The following SLC5A4 variants were observed in gnomAD, a reference collection of about 807,000 sequenced individuals.
The protein encoded by SLC5A4 is probable glucose sensor protein SLC5A4.
A neutral mutation model predicts 70.3 loss-of-function variants in SLC5A4; 55 were observed. The observed-to-expected ratio is 0.78, with a 90% CI of 0.63 to 0.98. The LOEUF is 0.98. Among genes scored for constraint, SLC5A4 ranks in the 50% least tolerant of loss-of-function variants. The pLI is 0.00. For missense variants in SLC5A4, 735 were observed against 839.2 expected (o/e 0.88, Z 1.53); for synonymous variants, 268 against 305.7 (o/e 0.88, Z 1.29).
the SLC5A4 span, among the ~76,000 whole-genome samples, chr22:32,275,427 C>T: frequency 6.6e-6 from 1 of 152,060 alleles, no homozygotes; most frequent in Non-Finnish European, 1.5e-5. Flanking sequence ...TCCATGTGTT[C>T]TCATTGTTTA....
the SLC5A4 span, chr22:32,270,336 G>A: frequency 9.5e-7 from 1 of 1,054,088 alleles, no homozygotes; most frequent in Non-Finnish European, 1.5e-6. Flanking sequence ...GGAAGAATGG[G>A]GCTCTGTCGG....
chr22:32,256,537 C>T (rs1927498499), upstream of SLC5A4, among the ~76,000 whole-genome samples: 1 of 152,144 alleles, frequency 6.6e-6, no homozygotes, highest in South Asian at 2.1e-4. Context: ...TTTTCATCAT[C>T]TCCAAACAGA....
At chr22:32,334,041 A>G in the SLC5A4 span, among the ~76,000 whole-genome samples, 1 of 146,678 alleles carries the variant, frequency 6.8e-6, no homozygotes, top group East Asian at 1.9e-4. Context: ...ACACACACAC[A>G]CCATGCCACA....
chr22:32,242,340 A>C (rs2899178), intron 5 of SLC5A4, among the ~76,000 whole-genome samples: 19,671 of 152,182 alleles, frequency 0.13, 1,514 homozygotes, highest in African/African-American at 0.22. Flanking sequence ...TTGCCCAACA[A>C]AATGATGGGA....
intron 5 of SLC5A4, among the ~76,000 whole-genome samples, chr22:32,246,580 T>A (rs1476261800): frequency 6.6e-6 from 1 of 152,186 alleles, no homozygotes; most frequent in Non-Finnish European, 1.5e-5. Flanking sequence ...CAGACTGGAG[T>A]GCAGTGGTGT....
chr22:32,299,606 T>C, the SLC5A4 span, among the ~76,000 whole-genome samples: 1 of 103,146 alleles, frequency 9.7e-6, no homozygotes, highest in South Asian at 3.5e-4. Context: ...TTGAATGTCC[T>C]CCCATAGCTC....
chr22:32,302,994 T>A, the SLC5A4 span, among the ~76,000 whole-genome samples: 1 of 152,148 alleles, frequency 6.6e-6, no homozygotes, highest in South Asian at 2.1e-4. Flanking sequence ...CCTTCAGCAG[T>A]GTTTTCTCTT....
chr22:32,272,211 C>T, the SLC5A4 span: 63 of 761,530 alleles, frequency 8.3e-5, no homozygotes, highest in East Asian at 3.7e-4. Context: ...GTCCTGAGGG[C>T]GGATCTTGAT....
the SLC5A4 span, among the ~76,000 whole-genome samples, chr22:32,264,093 T>C: frequency 6.6e-6 from 1 of 151,760 alleles, no homozygotes; most frequent in Admixed American, 6.6e-5. Context: ...ATGTAGATGA[T>C]GGATTGATGG....
the SLC5A4 span, among the ~76,000 whole-genome samples, chr22:32,327,683 C>A: frequency 6.6e-6 from 1 of 152,166 alleles, no homozygotes; most frequent in African/African-American, 2.4e-5. Flanking sequence ...GGTGGCTGGA[C>A]TCACCTTCCC....
chr22:32,331,315 C>T, the SLC5A4 span, among the ~76,000 whole-genome samples: 1 of 151,904 alleles, frequency 6.6e-6, no homozygotes, highest in African/African-American at 2.4e-5. Flanking sequence ...CGTGCTTTGG[C>T]CTCTCTGAGC....
chr22:32,254,948 A>G (rs1024334704), intron 1 of SLC5A4, among the ~76,000 whole-genome samples: 3 of 152,214 alleles, frequency 2.0e-5, no homozygotes, highest in South Asian at 4.1e-4. Flanking sequence ...CTCTTTGTCC[A>G]TTATGCCAGG....
the SLC5A4 span, among the ~76,000 whole-genome samples, chr22:32,335,038 C>T: frequency 6.6e-6 from 1 of 152,194 alleles, no homozygotes; most frequent in Non-Finnish European, 1.5e-5. Context: ...CGCATGGAGG[C>T]TGAAGCCAGG....
intron 5 of SLC5A4, among the ~76,000 whole-genome samples, chr22:32,240,984 A>G (rs1300589397): frequency 1.3e-5 from 2 of 152,250 alleles, no homozygotes; most frequent in Non-Finnish European, 2.9e-5. Context: ...ATGAATCTCT[A>G]CATTAGACAG....
chr22:32,272,714 C>T, the SLC5A4 span: 12 of 512,514 alleles, frequency 2.3e-5, no homozygotes, highest in African/African-American at 3.9e-5. Context: ...ATGTGGGTGC[C>T]CACATGAACG....
At chr22:32,272,984 G>C in the SLC5A4 span, 1 of 541,168 alleles carries the variant, frequency 1.8e-6, no homozygotes. Context: ...GCTGCACGGG[G>C]AGCTGCTCAA....
At chr22:32,229,042 G>A in intron 11 of SLC5A4, 152 bp downstream of exon 11, 1 of 639,416 alleles carries the variant, frequency 1.6e-6, no homozygotes, top group South Asian at 3.2e-5. Context: ...TATCTGGAAA[G>A]TGATCACTTG....
chr22:32,302,348 G>C, the SLC5A4 span, among the ~76,000 whole-genome samples: 59 of 151,628 alleles, frequency 3.9e-4, no homozygotes, highest in Non-Finnish European at 7.5e-4. Flanking sequence ...CCCTTTAACA[G>C]GGTCTCTCAC....
At chr22:32,309,066 G>A in the SLC5A4 span, among the ~76,000 whole-genome samples, 1 of 152,138 alleles carries the variant, frequency 6.6e-6, no homozygotes, top group African/African-American at 2.4e-5. Flanking sequence ...CAATGGTTAT[G>A]GTCAGCTGCT....
Sources: gnomAD v4.1 joint callset for allele counts (sites outside exome capture counted in the v4.1 genomes callset) on GRCh38, gnomAD v4.1.1 for gene constraint, MANE v1.5 for transcripts, NCBI Gene and HGNC (gene_info 2026-07-23, HGNC 2026-07-21) for gene names.